The following SLC5A11 variants were observed in gnomAD, a reference collection of about 807,000 sequenced individuals.
The protein encoded by SLC5A11 is sodium/myo-inositol cotransporter 2.
SLC5A11 carries 48 observed loss-of-function variants against 69.8 expected under a neutral mutation model. The observed-to-expected ratio is 0.69, with a 90% CI of 0.55 to 0.87. The LOEUF (loss-of-function observed/expected upper bound fraction) is 0.87, where lower values mean the gene tolerates loss of function less well. Among genes scored for constraint, SLC5A11 ranks in the 40% least tolerant of loss-of-function variants. The pLI is 0.00. For missense variants in SLC5A11, 784 were observed against 866.1 expected (o/e 0.91, Z 1.19); for synonymous variants, 319 against 342.4 (o/e 0.93, Z 0.75).
intron 3 of SLC5A11, 41 bp downstream of exon 4, chr16:24,862,713 A>G (rs761487722): frequency 1.3e-6 from 2 of 1,564,256 alleles, no homozygotes; most frequent in East Asian, 4.5e-5. Flanking sequence ...TTCTTAAAGA[A>G]TCTTCAAGTG....
At chr16:24,865,148 A>C in intron 3 of SLC5A11, among the ~76,000 whole-genome samples, 1 of 152,224 alleles carries the variant, frequency 6.6e-6, no homozygotes, top group East Asian at 1.9e-4. Context: ...CACATCCAAG[A>C]AATATAATAA....
chr16:24,886,865 G>A (rs1029160867), intron 8 of SLC5A11, among the ~76,000 whole-genome samples: 1 of 152,136 alleles, frequency 6.6e-6, no homozygotes, highest in African/African-American at 2.4e-5. Context: ...AGGTTAAGGA[G>A]GTTGAGGCAG....
At chr16:24,885,031 T>A (rs573701426) in intron 8 of SLC5A11, among the ~76,000 whole-genome samples, 1 of 152,100 alleles carries the variant, frequency 6.6e-6, no homozygotes, top group African/African-American at 2.4e-5. Flanking sequence ...CGTGAGCCAC[T>A]GCATCCAGCC....
At chr16:24,875,689 G>T (rs2047625867) in exon 6 of SLC5A11, 2 of 1,613,850 alleles carry the variant, frequency 1.2e-6, no homozygotes, top group Non-Finnish European at 8.5e-7. Flanking sequence ...CCATCATCCT[G>T]GCTGTACTCT....
chr16:24,875,746 C>T lies in SLC5A11; in HGVS notation c.477+15C>T. 2 of 1,600,816 alleles carry T rather than the reference C, an allele frequency of 1.2e-6. No individual in the cohort carries two copies. The highest frequency in any genetic ancestry group is 1.7e-6 in the Non-Finnish European group (2 of 1,169,130). On this transcript the variant is annotated intron_variant, in intron 6 of 15. Transcript: ENST00000347898. ...CCAAGATCTCGGTAAGGCAGGGACA[C>T]AGCCTGGCCTCACCCATGCAGCATG... is the stretch of plus-strand genomic sequence containing the variant.
chr16:24,901,931 TAC>T (rs749172893), intron 10 of SLC5A11, among the ~76,000 whole-genome samples: 40,175 of 137,594 alleles, frequency 0.29, 6,268 homozygotes, highest in Non-Finnish European at 0.37. Flanking sequence ...GAAAAAAAAA[TAC>T]ACACACACAC....
At chr16:24,847,195 CTTTT>C (rs993788058) in intron 1 of SLC5A11, among the ~76,000 whole-genome samples, 14 of 147,316 alleles carry the variant, frequency 9.5e-5, no homozygotes, top group South Asian at 2.3e-4. Context: ...TTCCTTCTTT[CTTTT>C]ATTTCTTTCC....
chr16:24,908,163 C>A (rs1394750539), intron 13 of SLC5A11, 32 bp downstream of exon 14: 6 of 1,538,940 alleles, frequency 3.9e-6, no homozygotes, highest in Non-Finnish European at 5.2e-6. Flanking sequence ...TATGCCAGAA[C>A]CAAGTGCTGC....
chr16:24,891,622 C>T (rs1023736699), intron 9 of SLC5A11, among the ~76,000 whole-genome samples: 1 of 152,088 alleles, frequency 6.6e-6, no homozygotes, highest in Non-Finnish European at 1.5e-5. Context: ...CTGCAGCTGG[C>T]CTAATACACT....
Position 24,890,749 on chromosome 16 carries a change from G to T in SLC5A11, c.665-120G>T, listed in dbSNP as rs578172399. 6.2e-5 allele frequency: 55 copies of T among 887,038 alleles called. No homozygotes were observed. In the African/African-American group the frequency reaches 8.1e-4, roughly 13 times the overall value. 54.9% of individuals were successfully genotyped at this position (887,038 alleles called of 1,614,324 possible). On this transcript the variant is annotated intron_variant, in intron 8 of 15. Transcript: ENST00000347898. The stretch of plus-strand genomic sequence containing the variant: ...GGGGAGGAGGTTAAGAACCCTTAAG[G>T]GGATTAACATTTTTGGTGGCTCTGG...
chr16:24,868,305 T>C (rs1445154298), intron 3 of SLC5A11, among the ~76,000 whole-genome samples: 1 of 144,866 alleles, frequency 6.9e-6, no homozygotes, highest in African/African-American at 2.6e-5. Flanking sequence ...AAAAAAAAAT[T>C]AGAGGCCAGG....
intron 9 of SLC5A11, among the ~76,000 whole-genome samples, chr16:24,895,907 G>A (rs904705450): frequency 1.3e-5 from 2 of 152,120 alleles, no homozygotes. Flanking sequence ...CCATCAAAAT[G>A]TGCTGTGAAA....
intron 8 of SLC5A11, among the ~76,000 whole-genome samples, chr16:24,889,188 G>T (rs1185601122): frequency 6.6e-6 from 1 of 152,054 alleles, no homozygotes; most frequent in Non-Finnish European, 1.5e-5. Context: ...AATGAGAAAA[G>T]AAACAAAATA....
chr16:24,858,834 A>C, intron 2 of SLC5A11, 56 bp downstream of exon 3: 1 of 1,568,004 alleles, frequency 6.4e-7, no homozygotes. Flanking sequence ...GTCTGTTTAG[A>C]GGTCCGGAGT....
chr16:24,850,220 G>T (rs2059241542), intron 1 of SLC5A11, among the ~76,000 whole-genome samples: 1 of 152,186 alleles, frequency 6.6e-6, no homozygotes, highest in Non-Finnish European at 1.5e-5. Flanking sequence ...AGAATGCTGG[G>T]ATTATAGGCA....
At chr16:24,891,800 C>G (rs2048827159) in intron 9 of SLC5A11, among the ~76,000 whole-genome samples, 1 of 152,126 alleles carries the variant, frequency 6.6e-6, no homozygotes, top group African/African-American at 2.4e-5. Flanking sequence ...TCAAACAAAG[C>G]TCTCTGCCCT....
At chr16:24,908,373 T>C (rs1221117898) in intron 13 of SLC5A11, among the ~76,000 whole-genome samples, 1 of 151,770 alleles carries the variant, frequency 6.6e-6, no homozygotes, top group African/African-American at 2.4e-5. Flanking sequence ...CCGAGGTGGG[T>C]GGATCACTTG....
intron 9 of SLC5A11, among the ~76,000 whole-genome samples, chr16:24,896,645 G>T (rs1386445930): frequency 6.6e-6 from 1 of 152,070 alleles, no homozygotes; most frequent in African/African-American, 2.4e-5. Context: ...GTCAAAACTG[G>T]GCTGGTACTA....
chr16:24,901,008 G>C (rs1209991627), intron 10 of SLC5A11, among the ~76,000 whole-genome samples: 1 of 151,956 alleles, frequency 6.6e-6, no homozygotes, highest in East Asian at 1.9e-4. Context: ...TATGAAAAGA[G>C]CTTCAGAGTG....
Sources: allele counts gnomAD v4.1 joint callset (sites outside exome capture counted in the v4.1 genomes callset), GRCh38; gene constraint gnomAD v4.1.1; transcripts MANE v1.5; gene names NCBI Gene and HGNC (gene_info 2026-07-23, HGNC 2026-07-21).